SPOCK3: variants seen among roughly 807,000 people sequenced by gnomAD.
The protein encoded by SPOCK3 is testican-3.
In SPOCK3, 30 loss-of-function variants were observed where a neutral mutation model predicts 56.6. That is an observed-to-expected ratio of 0.53 (90% CI 0.40 to 0.72). SPOCK3 has a LOEUF of 0.72. SPOCK3 is among the 30% of genes least tolerant of loss of function. The pLI is 0.00. For missense variants in SPOCK3, 527 were observed against 530.0 expected, an observed-to-expected ratio of 0.99 and a Z score of 0.06; for synonymous variants, 196 against 183.3, an observed-to-expected ratio of 1.07 and a Z score of -0.56.
chr4:167,147,570 T>C (rs917859717), intron 2 of SPOCK3, among the ~76,000 whole-genome samples: 9 of 152,138 alleles, frequency 5.9e-5, no homozygotes, highest in Non-Finnish European at 8.8e-5. Flanking sequence ...CAAATGCCCA[T>C]CAATGATAAA....
chr4:167,053,634 G>A (rs1004856546), intron 3 of SPOCK3, among the ~76,000 whole-genome samples: 1 of 152,086 alleles, frequency 6.6e-6, no homozygotes, highest in East Asian at 1.9e-4. Flanking sequence ...GCAATGAGCC[G>A]AGATCAGGCC....
intron 2 of SPOCK3, among the ~76,000 whole-genome samples, chr4:167,092,909 A>G (rs1258602069): frequency 2.6e-5 from 4 of 152,146 alleles, no homozygotes; most frequent in East Asian, 1.9e-4. Context: ...TATAATGTCA[A>G]ATAAATAATA....
At position 167,127,032 on chromosome 4, in the gene SPOCK3, G is replaced by A. The variant is rs190522328; in HGVS notation, c.190-64495C>T. On this transcript the variant is annotated intron_variant, in intron 2 of 10. Transcript: ENST00000357545. ...GACGTGTCCTGGTGATGAATGGCTC[G>A]GACCATTATGGACCAGCAATAGAAT... Among the ~76,000 whole-genome samples the A allele has an allele frequency of 3.5e-3, 532 of 152,166 alleles. 2 individuals are homozygous for A. Among genetic ancestry groups the A allele is most frequent in the Middle Eastern group, 3.4e-3 (1 of 294 alleles).
chr4:167,046,213 C>A (rs1021424689), intron 3 of SPOCK3, among the ~76,000 whole-genome samples: 13 of 151,910 alleles, frequency 8.6e-5, no homozygotes, highest in Non-Finnish European at 1.5e-4. Context: ...TGTGTTTCCC[C>A]TCTTCCTGCC....
At chr4:166,951,184 G>T (rs1474177850) in intron 4 of SPOCK3, among the ~76,000 whole-genome samples, 1 of 143,430 alleles carries the variant, frequency 7.0e-6, no homozygotes, top group Admixed American at 6.7e-5. Context: ...TTGATAGACT[G>T]CTAGCAAGAC....
At chr4:166,808,795 G>C (rs1000148719) in intron 6 of SPOCK3, among the ~76,000 whole-genome samples, 1 of 151,944 alleles carries the variant, frequency 6.6e-6, no homozygotes, top group African/African-American at 2.4e-5. Context: ...TCTAAGTCTT[G>C]TCTATAAAGT....
intron 2 of SPOCK3, among the ~76,000 whole-genome samples, chr4:167,075,816 C>G (rs1463413492): frequency 6.6e-6 from 1 of 151,762 alleles, no homozygotes; most frequent in African/African-American, 2.4e-5. Context: ...CAATATTTTA[C>G]TTCTATTTTG....
chr4:167,105,940 T>C (rs1020809631), intron 2 of SPOCK3, among the ~76,000 whole-genome samples: 1 of 151,902 alleles, frequency 6.6e-6, no homozygotes, highest in Admixed American at 6.6e-5. Flanking sequence ...GATATAACAA[T>C]TGTAAATATG....
At chr4:166,805,862 T>G (rs759990816) in intron 6 of SPOCK3, among the ~76,000 whole-genome samples, 3 of 152,088 alleles carry the variant, frequency 2.0e-5, no homozygotes, top group Non-Finnish European at 4.4e-5. Flanking sequence ...TAAGTACACG[T>G]GTCAGAAAAT....
At chr4:167,211,400 C>T (rs866258308) in intron 2 of SPOCK3, among the ~76,000 whole-genome samples, 1 of 151,970 alleles carries the variant, frequency 6.6e-6, no homozygotes, top group Non-Finnish European at 1.5e-5. Flanking sequence ...AGGGAAGGCA[C>T]GATTGGTTTT....
At chr4:167,040,318 T>C (rs1285135592) in intron 3 of SPOCK3, among the ~76,000 whole-genome samples, 2 of 152,138 alleles carry the variant, frequency 1.3e-5, no homozygotes, top group African/African-American at 4.8e-5. Context: ...ATAAATGACA[T>C]GAGTTGTGGT....
intron 3 of SPOCK3, among the ~76,000 whole-genome samples, chr4:167,055,404 T>C (rs1754689119): frequency 6.6e-6 from 1 of 152,242 alleles, no homozygotes; most frequent in South Asian, 2.1e-4. Context: ...TGCATTTCCA[T>C]CTGAGGTACT....
intron 6 of SPOCK3, among the ~76,000 whole-genome samples, chr4:166,848,958 G>A (rs35102463): frequency 0.016 from 2,413 of 152,226 alleles, 25 homozygotes; most frequent in Non-Finnish European, 0.026. Flanking sequence ...AACACCATGG[G>A]CATCATTAGA....
intron 2 of SPOCK3, among the ~76,000 whole-genome samples, chr4:167,178,762 A>G (rs573235327): frequency 6.6e-6 from 1 of 152,244 alleles, no homozygotes; most frequent in Admixed American, 6.5e-5. Flanking sequence ...CAATTTAAGA[A>G]AGGGGATAAA....
At chr4:167,053,518 C>G (rs903120791) in intron 3 of SPOCK3, among the ~76,000 whole-genome samples, 1 of 151,886 alleles carries the variant, frequency 6.6e-6, no homozygotes, top group Non-Finnish European at 1.5e-5. Context: ...AACACTGTCT[C>G]TACTAAAAAT....
intron 6 of SPOCK3, among the ~76,000 whole-genome samples, chr4:166,829,007 G>T (rs775781054): frequency 6.6e-6 from 1 of 151,928 alleles, no homozygotes; most frequent in Non-Finnish European, 1.5e-5. Flanking sequence ...TTCTGTGTTT[G>T]CTTATGAGGA....
At chr4:167,063,069 C>T (rs1324023770) in intron 2 of SPOCK3, among the ~76,000 whole-genome samples, 2 of 151,756 alleles carry the variant, frequency 1.3e-5, no homozygotes, top group Admixed American at 6.6e-5. Context: ...CATTCTCTTG[C>T]TAATCGAATA....
At chr4:167,084,567 C>T (rs996841038) in intron 2 of SPOCK3, among the ~76,000 whole-genome samples, 5 of 151,894 alleles carry the variant, frequency 3.3e-5, no homozygotes, top group Non-Finnish European at 5.9e-5. Context: ...GGAGTGTAGC[C>T]GAAAAGGTCA....
intron 4 of SPOCK3, among the ~76,000 whole-genome samples, chr4:166,920,074 T>C (rs1335723524): frequency 6.6e-6 from 1 of 152,146 alleles, no homozygotes; most frequent in Non-Finnish European, 1.5e-5. Context: ...CGGAGCTTAA[T>C]TATCAAGTCT....
Sources: allele counts gnomAD v4.1 joint callset (sites outside exome capture counted in the v4.1 genomes callset), GRCh38; gene constraint gnomAD v4.1.1; transcripts MANE v1.5; gene names NCBI Gene and HGNC (gene_info 2026-07-23, HGNC 2026-07-21).